The following NCOA6 variants were observed in gnomAD, a reference collection of about 807,000 sequenced individuals.
NCOA6 encodes the protein NRC RAP250.
NCOA6 carries 49 observed loss-of-function variants against 171.4 expected under a neutral mutation model. The observed-to-expected ratio is 0.29, with a 90% CI of 0.23 to 0.36. The LOEUF (loss-of-function observed/expected upper bound fraction) is 0.36. NCOA6 is among the 10% of genes least tolerant of loss of function. NCOA6 has a pLI of 1.00. For synonymous variants in NCOA6, 910 were observed against 927.5 expected, an observed-to-expected ratio of 0.98 and a Z score of 0.34; for missense variants, 2,248 against 2,554.5, an observed-to-expected ratio of 0.88 and a Z score of 2.59.
chr20:34,750,966 A>T (rs1289105410), intron 8 of NCOA6, among the ~76,000 whole-genome samples: 3 of 151,440 alleles, frequency 2.0e-5, no homozygotes, highest in Non-Finnish European at 2.9e-5. Context: ...GTGAGCCAAG[A>T]TCATGCCATT....
In NCOA6 at chr20:34,740,836, C is replaced by T. The variant is rs752935378; in HGVS notation, c.5420G>A (p.Arg1807Gln). 21 of 1,614,094 alleles carry T rather than the reference C, an allele frequency of 1.3e-5. No homozygotes were observed. Among genetic ancestry groups the T allele is most frequent in the East Asian group, 2.2e-5 (1 of 44,892 alleles). Residue 1807 changes from arginine (R) to glutamine (Q), a missense_variant, in exon 11 of 15, where the codon CGG becomes CAG. Transcript: ENST00000359003. ...LTNSPGSSGNRRSPVSSSKGK... is the reference protein window; with the variant it reads ...LTNSPGSSGNQRSPVSSSKGK... ...CTTACTAGACGAGACTGGGCTTCGCCGGTTGCCAGAGGACCCTGGACTATT... is the reference window on the plus strand; with the variant it reads ...CTTACTAGACGAGACTGGGCTTCGCTGGTTGCCAGAGGACCCTGGACTATT...
chr20:34,819,999 A>G (rs2078957553), intron 1 of NCOA6: 1 of 152,144 alleles, frequency 6.6e-6, no homozygotes, highest in Admixed American at 6.6e-5. Context: ...TACATAGGGA[A>G]AAAAAATGAA....
intron 1 of NCOA6, among the ~76,000 whole-genome samples, chr20:34,798,234 T>C (rs1281259123): frequency 6.6e-6 from 1 of 152,116 alleles, no homozygotes; most frequent in Non-Finnish European, 1.5e-5. Flanking sequence ...TGCCTCTGTT[T>C]GCAGAAAGAG....
chr20:34,754,591 ATAAT>A (rs1600865224), intron 8 of NCOA6, 127 bp downstream of exon 8: 2 of 1,118,750 alleles, frequency 1.8e-6, no homozygotes, highest in Non-Finnish European at 2.5e-6. Context: ...CCCTGAAAGA[ATAAT>A]TATTTATGGG....
intron 1 of NCOA6, among the ~76,000 whole-genome samples, chr20:34,809,745 T>C (rs2078589644): frequency 6.6e-6 from 1 of 152,146 alleles, no homozygotes; most frequent in Non-Finnish European, 1.5e-5. Context: ...GGTGGGTGGA[T>C]CACCTGAGGT....
intron 1 of NCOA6, among the ~76,000 whole-genome samples, chr20:34,818,230 C>T (rs915895056): frequency 1.3e-5 from 2 of 152,106 alleles, no homozygotes; most frequent in South Asian, 4.1e-4. Context: ...TGGCTTGTGC[C>T]TATAATCCTA....
chr20:34,799,084 G>T (rs1266190971), intron 1 of NCOA6, among the ~76,000 whole-genome samples: 1 of 152,104 alleles, frequency 6.6e-6, no homozygotes, highest in Non-Finnish European at 1.5e-5. Context: ...GAAACTCAAT[G>T]AAATTCAAGA....
chr20:34,731,322 A>C (rs143245323), intron 13 of NCOA6, among the ~76,000 whole-genome samples: 20 of 152,308 alleles, frequency 1.3e-4, no homozygotes, highest in African/African-American at 4.8e-4. Flanking sequence ...ACCCAGCCTC[A>C]TTCTAGATTC....
Position 34,768,465 on chromosome 20 carries a change from T to C in NCOA6, c.513A>G (p.Pro171=). The C allele has an allele frequency of 4.3e-6, 7 of 1,614,116 alleles. No homozygotes were observed. The South Asian group carries it at 4.4e-5, about 10-fold the overall frequency. Residue 171 remains proline, a splice_region_variant and synonymous_variant, in exon 5 of 15, where the codon CCA becomes CCG. Transcript: ENST00000359003. ...ATACAATTGAGTGGGAGGTCTTACC[T>C]GGACCACTTGCCATAGGAAATCCCG... ...MEAGFPMASG[P]GIIRMNNPAT...
intron 2 of NCOA6, among the ~76,000 whole-genome samples, chr20:34,783,007 C>T (rs116182801): frequency 0.015 from 2,301 of 152,214 alleles, 66 homozygotes; most frequent in African/African-American, 0.052. Context: ...AAGGGCTGGG[C>T]GCAGTGGCTC....
chr20:34,754,914 C>G, intron 7 of NCOA6, 46 bp from the exon 8 acceptor site: 1 of 1,599,384 alleles, frequency 6.3e-7, no homozygotes, highest in African/African-American at 1.3e-5. Context: ...CAAATTTATA[C>G]TCTTGCTTAG....
chr20:34,729,023 A>G (rs1282881187), intron 13 of NCOA6, among the ~76,000 whole-genome samples: 1 of 152,136 alleles, frequency 6.6e-6, no homozygotes, highest in Non-Finnish European at 1.5e-5. Context: ...GGATCTCAGC[A>G]AAGTGCAAAC....
At position 34,742,944 on chromosome 20, in the gene NCOA6, G is replaced by A. The variant is rs760258328; in HGVS notation, c.3312C>T (p.Pro1104=). The A allele has an allele frequency of 6.2e-7, 1 of 1,614,166 alleles. No homozygotes were observed. Among genetic ancestry groups the A allele is most frequent in the East Asian group, 2.2e-5 (1 of 44,890 alleles). The change falls in exon 11 of 15, where the codon CCC becomes CCT. Residue 1104 remains proline (P), a synonymous_variant. Transcript: ENST00000359003. ...KQRMPMPVNT[P]LGSNSRKMVY... The stretch of plus-strand genomic sequence containing the variant: ...CCATTTTCCTTGAATTGCTTCCCAA[G>A]GGAGTATTCACAGGCATTGGCATTC...
At chr20:34,771,794 G>A (rs924396229) in intron 4 of NCOA6, among the ~76,000 whole-genome samples, 1 of 152,138 alleles carries the variant, frequency 6.6e-6, no homozygotes, top group Non-Finnish European at 1.5e-5. Context: ...CAATTTTCAT[G>A]TAATCTTAAG....
At chr20:34,764,419 C>T (rs975696540) in intron 5 of NCOA6, among the ~76,000 whole-genome samples, 3 of 152,032 alleles carry the variant, frequency 2.0e-5, no homozygotes, top group South Asian at 2.1e-4. Context: ...ATAGGCCGGA[C>T]GCGGTGGCTC....
Position 34,741,025 on chromosome 20 carries a change from G to A in NCOA6, c.5231C>T (p.Pro1744Leu). The change falls in exon 11 of 15, where the codon CCT (proline) becomes CTT (leucine). Residue 1744 changes from proline (P) to leucine (L), a missense_variant. By Grantham distance (98) the Pro-to-Leu change is moderately conservative (BLOSUM62 -3). This residue lies in a region of NCOA6 where 884 missense variants were observed against 941.9 expected (regional missense o/e 0.94). Coordinates refer to ENST00000359003, the MANE Select transcript of NCOA6 (RefSeq NM_014071.5). ...TGGAGAAGACGTACAAGGAGGGGAA[G>A]GAAGCTGAACAGGGGTGGCTCGTGA... ...LSSRATPVQL[P>L]SPPCTSSPVV... The A allele has an allele frequency of 1.2e-6, 2 of 1,614,254 alleles. No homozygotes were observed. Among genetic ancestry groups the A allele is most frequent in the Non-Finnish European group, 1.7e-6 (2 of 1,180,048 alleles).
Position 34,740,984 on chromosome 20 carries a change from G to T in NCOA6, c.5272C>A (p.Pro1758Thr), listed in dbSNP as rs2145556174. Residue 1758 changes from proline (P) to threonine (T), a missense_variant, in exon 11 of 15, where the codon CCC becomes ACC. Physicochemically the swap from Pro to Thr is conservative, Grantham distance 38. Transcript: ENST00000359003. ...CTSSPVVPSHPPVQQVKELNP... is the reference protein window; with the variant it reads ...CTSSPVVPSHTPVQQVKELNP... ...AATTCTTTCACTTGCTGCACAGGGG[G>T]ATGAGAAGGGACAACTGGAGAAGAC... The T allele has an allele frequency of 6.2e-7, 1 of 1,614,246 alleles. No individual in the cohort carries two copies. Among genetic ancestry groups the T allele is most frequent in the East Asian group, 2.2e-5 (1 of 44,880 alleles).
Position 34,790,345 on chromosome 20 carries a change from A to ATTAT in NCOA6, c.-50+2101_-50+2104dup, listed in dbSNP as rs989638195. ...TTGCATAACTCCATTTATTTATTTT[A>ATTAT]TTATTTATTTATTTATTTAATTATT... On this transcript the variant is annotated intron_variant, in intron 2 of 14. Coordinates refer to ENST00000359003, the MANE Select transcript of NCOA6 (RefSeq NM_014071.5). Among the ~76,000 whole-genome samples, 29 of 152,028 alleles carry ATTAT rather than the reference A, an allele frequency of 1.9e-4. No homozygotes were observed. In the East Asian group the frequency reaches 4.0e-3, roughly 21 times the overall value.
chr20:34,746,894 C>A lies in NCOA6; in HGVS notation c.2827G>T (p.Ala943Ser), dbSNP rs2076320319. 7.5e-6 allele frequency: 12 copies of A among 1,598,250 alleles called. No individual in the cohort carries two copies. The highest frequency in any genetic ancestry group is 1.0e-5 in the Non-Finnish European group (12 of 1,170,646). Residue 943 changes from alanine (A) to serine (S), a missense_variant, in exon 10 of 15, where the codon GCT (alanine) becomes TCT (serine). Ala to Ser is a moderately conservative substitution (Grantham distance 99). Transcript: ENST00000359003. The stretch of plus-strand genomic sequence containing the variant: ...TCTCCAGGCAACGGTGGCTGATCAG[C>A]CTCTTCCAGACCAGCTGGGCGAGTA... ...PDTRPAGLEE[A>S]DQPPLPGEQG...
Sources: allele counts gnomAD v4.1 joint callset (sites outside exome capture counted in the v4.1 genomes callset), GRCh38; gene constraint gnomAD v4.1.1; regional missense constraint gnomAD v4.1.1; transcripts MANE v1.5; gene names NCBI Gene and HGNC (gene_info 2026-07-23, HGNC 2026-07-21).